The following MED24 variants were observed in gnomAD, a reference collection of about 807,000 sequenced individuals.
MED24 encodes mediator of RNA polymerase II transcription subunit 24.
A neutral mutation model predicts 118.8 loss-of-function variants in MED24; 74 were observed. The observed-to-expected ratio is 0.62, with a 90% CI of 0.52 to 0.76. The LOEUF (loss-of-function observed/expected upper bound fraction) is 0.76, where lower values mean the gene tolerates loss of function less well. Ranked by LOEUF, MED24 falls within the 30% of genes least tolerant of loss-of-function variation. MED24 has a pLI of 0.00. For synonymous variants in MED24, 521 were observed against 523.9 expected, an observed-to-expected ratio of 0.99 and a Z score of 0.08; for missense variants, 1,041 against 1,278.9, an observed-to-expected ratio of 0.81 and a Z score of 2.84.
intron 12 of MED24, among the ~76,000 whole-genome samples, chr17:40,030,712 G>A (rs1034247559): frequency 1.3e-5 from 2 of 151,702 alleles, no homozygotes; most frequent in Admixed American, 1.3e-4. Context: ...AGGCTGGGGT[G>A]CAGTGGCATG....
Position 40,022,020 on chromosome 17 carries a change from T to C in MED24, c.2558A>G (p.Gln853Arg). The change falls in exon 23 of 26, where the codon CAG (glutamine) becomes CGG (arginine). Residue 853 changes from glutamine (Q) to arginine (R), a missense_variant. Around this residue, in one of 3 missense-constraint regions of MED24, gnomAD observed 587 missense variants for 694.4 expected, o/e 0.85. Coordinates refer to ENST00000394128, the MANE Select transcript of MED24 (RefSeq NM_014815.4). ...CAGCAGTCGCATCAACTTCGAAGGC[T>C]GCACATCGTCCAGGGGGAAGAGGCT... ...YISLFPLDDV[Q>R]PSKLMRLLSS... is the part of the protein sequence containing the mutation. The C allele has an allele frequency of 6.2e-7, 1 of 1,611,858 alleles. No individual in the cohort carries two copies.
intron 3 of MED24, among the ~76,000 whole-genome samples, chr17:40,038,314 C>G (rs1329803545): frequency 2.6e-5 from 4 of 152,094 alleles, no homozygotes; most frequent in Non-Finnish European, 5.9e-5. Context: ...AAAATCTTAC[C>G]TTAAAATAAA....
intron 3 of MED24, among the ~76,000 whole-genome samples, chr17:40,052,392 G>A (rs1412453123): frequency 1.3e-5 from 2 of 152,326 alleles, no homozygotes; most frequent in East Asian, 1.9e-4. Flanking sequence ...GTAAGTTGAG[G>A]AGCATCTGTA....
intron 3 of MED24, among the ~76,000 whole-genome samples, chr17:40,043,617 G>A (rs531199789): frequency 6.3e-4 from 95 of 151,886 alleles, no homozygotes; most frequent in Non-Finnish European, 7.9e-4. Flanking sequence ...AGCCAGGCGC[G>A]GTGGCTCACG....
At chr17:40,049,980 T>G (rs1337847995) in intron 3 of MED24, among the ~76,000 whole-genome samples, 1 of 148,554 alleles carries the variant, frequency 6.7e-6, no homozygotes, top group African/African-American at 2.5e-5. Flanking sequence ...TGAAACCCTG[T>G]CTCTACTAAA....
chr17:40,039,326 T>G (rs1348520668), intron 3 of MED24, among the ~76,000 whole-genome samples: 2 of 152,208 alleles, frequency 1.3e-5, no homozygotes, highest in Non-Finnish European at 2.9e-5. Context: ...GTAGAAGCTC[T>G]AAACCACCAC....
At chr17:40,023,984 G>A (rs893832238) in intron 19 of MED24, among the ~76,000 whole-genome samples, 2 of 152,176 alleles carry the variant, frequency 1.3e-5, no homozygotes, top group African/African-American at 4.8e-5. Context: ...TGGGAAAGTT[G>A]CTATGACCTT....
At chr17:40,043,852 C>T (rs1487388925) in intron 3 of MED24, among the ~76,000 whole-genome samples, 1 of 142,740 alleles carries the variant, frequency 7.0e-6, no homozygotes, top group African/African-American at 2.6e-5. Context: ...GATACTGCCA[C>T]TGCAGTCCGG....
Position 40,028,915 on chromosome 17 carries a change from G to A in MED24, c.1320C>T (p.Gly440=), listed in dbSNP as rs1270607321. ...CCAGACTCTTCCCGGACAGCATGTG[G>A]CCCAGGACTCCCAGCAGTCCCTCCG... ...KSPEGLLGVL[G]HMLSGKSLDL... The change falls in exon 14 of 26, where the codon GGC becomes GGT. Residue 440 remains glycine, a synonymous_variant. Transcript: ENST00000394128. The A allele has an allele frequency of 6.2e-7, 1 of 1,614,198 alleles. No homozygotes were observed.
intron 23 of MED24, 114 bp downstream of exon 23, chr17:40,021,841 C>A: frequency 1.3e-6 from 1 of 777,724 alleles, no homozygotes; most frequent in Admixed American, 2.5e-5. Flanking sequence ...GTCCCTGCCA[C>A]ACCCTCTCTG....
intron 3 of MED24, among the ~76,000 whole-genome samples, chr17:40,038,268 G>A (rs1318595995): frequency 6.6e-6 from 1 of 152,116 alleles, no homozygotes; most frequent in African/African-American, 2.4e-5. Context: ...TTATTGCTTT[G>A]AACAGATGAA....
Position 40,019,880 on chromosome 17 carries a change from G to A in MED24, c.2758C>T (p.His920Tyr). 7 of 1,582,692 alleles carry A rather than the reference G, an allele frequency of 4.4e-6. No individual in the cohort carries two copies. The highest frequency in any genetic ancestry group is 6.0e-6 in the Non-Finnish European group (7 of 1,163,660). Residue 920 changes from histidine (H) to tyrosine (Y), a missense_variant, in exon 25 of 26, where the codon CAC becomes TAC. Coordinates refer to ENST00000394128, the MANE Select transcript of MED24 (RefSeq NM_014815.4). ...ATGAACCACTGCACGAACTGGGTGT[G>A]GGGGCCAGCGGTGCGAGACCCCAGG... is the stretch of plus-strand genomic sequence containing the variant. Reference protein sequence around the residue: ...SILGSRTAGPHTQFVQWFMEE... With the variant: ...SILGSRTAGPYTQFVQWFMEE...
rs777716770 is a variant in MED24, at chr17:40,033,704, T to C, written c.560-248A>G. Reference sequence around the variant, plus strand: ...CTGATTTCCAGGGGACACAGCCAGCTGACTTCAGAAGGTATGGCATCACAC... The same window carrying C: ...CTGATTTCCAGGGGACACAGCCAGCCGACTTCAGAAGGTATGGCATCACAC... On this transcript the variant is annotated intron_variant, in intron 6 of 25. Coordinates refer to ENST00000394128, the MANE Select transcript of MED24 (RefSeq NM_014815.4). The surrounding 1 kb of genome is among the most constrained non-coding windows in gnomAD (Gnocchi z 5.2). 3.3e-5 allele frequency: 21 copies of C among 634,978 alleles called. No homozygotes were observed. The highest frequency in any genetic ancestry group is 3.2e-4 in the South Asian group (21 of 66,136). The allele number at this position is 634,978 out of a possible 1,614,324, so 39.3% of individuals were successfully genotyped here. A position where few individuals can be genotyped will look rare whatever the true frequency, so the allele number is the denominator to read the frequency against.
chr17:40,025,655 T>C (rs1049692859), intron 19 of MED24, among the ~76,000 whole-genome samples: 1 of 152,110 alleles, frequency 6.6e-6, no homozygotes, highest in Non-Finnish European at 1.5e-5. Context: ...CACTTAAACA[T>C]GGCTAAGATG....
intron 12 of MED24, 136 bp downstream of exon 12, chr17:40,031,023 C>A: frequency 1.3e-6 from 1 of 784,526 alleles, no homozygotes; most frequent in Non-Finnish European, 2.2e-6. Flanking sequence ...CTTCCTGTTC[C>A]CTGTACCCCC....
chr17:40,027,109 C>T, intron 16 of MED24, 75 bp from the exon 17 acceptor site: 3 of 1,532,438 alleles, frequency 2.0e-6, no homozygotes, highest in Non-Finnish European at 2.7e-6. Flanking sequence ...TGGGGCTGCA[C>T]TGTTTCCCGC....
chr17:40,035,785 A>G lies in MED24; in HGVS notation c.263T>C (p.Phe88Ser). The G allele has an allele frequency of 6.2e-7, 1 of 1,613,960 alleles. No individual in the cohort carries two copies. Among genetic ancestry groups the G allele is most frequent in the Non-Finnish European group, 8.5e-7 (1 of 1,179,922 alleles). The change falls in exon 5 of 26, where the codon TTT (phenylalanine) becomes TCT (serine). Residue 88 changes from phenylalanine to serine, a missense_variant. This residue lies in a region of MED24 where 434 missense variants were observed against 514.9 expected (regional missense o/e 0.84). Coordinates refer to ENST00000394128, the MANE Select transcript of MED24 (RefSeq NM_014815.4). ...TGCCTGGACACACAGGTCCCGAGAA[A>G]AGTCATCAAACTGTGGAAAGGACAG... is the stretch of plus-strand genomic sequence containing the variant. ...VLTAISKFDD[F>S]SRDLCVQALL... is the part of the protein sequence containing the mutation.
intron 19 of MED24, chr17:40,023,757 C>A: frequency 4.8e-6 from 1 of 209,728 alleles, no homozygotes; most frequent in South Asian, 9.8e-5. Context: ...TCCCCCTAGG[C>A]TGAGTGCTTG....
At chr17:40,039,049 G>T (rs1336079172) in intron 3 of MED24, among the ~76,000 whole-genome samples, 1 of 152,168 alleles carries the variant, frequency 6.6e-6, no homozygotes, top group Non-Finnish European at 1.5e-5. Context: ...AACCTTGCTG[G>T]ATACCAACCT....
Sources: gnomAD v4.1 joint callset for allele counts (sites outside exome capture counted in the v4.1 genomes callset) on GRCh38, gnomAD v4.1.1 for gene constraint, gnomAD v4.1.1 regional missense constraint, Gnocchi (gnomAD v3.1) non-coding constraint, MANE v1.5 for transcripts, NCBI Gene and HGNC (gene_info 2026-07-23, HGNC 2026-07-21) for gene names.